The following NOS1 variants were observed in gnomAD, a reference collection of about 807,000 sequenced individuals.
NOS1 encodes the protein nitric oxide synthase 1, also known as NOS type I.
A neutral mutation model predicts 164.5 loss-of-function variants in NOS1; 51 were observed. The ratio of observed to expected loss-of-function variants is 0.31; its 90% CI spans 0.25 to 0.39. The LOEUF (loss-of-function observed/expected upper bound fraction) is 0.39, where lower values mean the gene tolerates loss of function less well. Among genes scored for constraint, NOS1 ranks in the 10% least tolerant of loss-of-function variants. NOS1 has a pLI of 1.00. For missense variants in NOS1, 1,362 were observed against 1,885.6 expected, an observed-to-expected ratio of 0.72 and a Z score of 5.14; for synonymous variants, 719 against 745.8, an observed-to-expected ratio of 0.96 and a Z score of 0.59.
In NOS1 at chr12:117,330,591, T is replaced by C. The variant is rs1425032246; in HGVS notation, c.479A>G (p.Gln160Arg). The C allele has an allele frequency of 6.2e-7, 1 of 1,612,610 alleles. No homozygotes were observed. The highest frequency in any genetic ancestry group is 2.2e-5 in the East Asian group (1 of 44,840). The change falls in exon 2 of 29, where the codon CAG becomes CGG. Residue 160 changes from glutamine to arginine, a missense_variant. By Grantham distance (43) the Gln-to-Arg change is conservative. Transcript: ENST00000317775. The surrounding 1 kb of genome is among the most constrained non-coding windows in gnomAD (Gnocchi z 4.6). ...CTCCTGCCCATCATCGTAGGCATGC[T>C]GAGGCCCATTCCCGGGACCCGAGGC... ...DGASGPGNGP[Q>R]HAYDDGQEAG...
At chr12:117,261,178 C>CA (rs534260940) in intron 13 of NOS1, among the ~76,000 whole-genome samples, 3,113 of 77,078 alleles carry the variant, frequency 0.04, 248 homozygotes, top group African/African-American at 0.057. Flanking sequence ...GACTCTGCCT[C>CA]AAAAAAAAAA....
chr12:117,313,015 T>G (rs1169770917), intron 2 of NOS1, among the ~76,000 whole-genome samples: 1 of 152,082 alleles, frequency 6.6e-6, no homozygotes, highest in Non-Finnish European at 1.5e-5. Context: ...ATAATCACCA[T>G]CACCATCATC....
In NOS1 at chr12:117,226,695, C is replaced by G. The variant is rs1250393156; in HGVS notation, c.3692G>C (p.Cys1231Ser). 16 of 1,613,968 alleles carry G rather than the reference C, an allele frequency of 9.9e-6. No individual in the cohort carries two copies. Among genetic ancestry groups the G allele is most frequent in the Non-Finnish European group, 1.4e-5 (16 of 1,179,898 alleles). ...NRIQADELVP[C>S]FVRGAPSFHL... ...ACTTATTACTCACCCTCTCACGAAA[C>G]AGGGGACCAGTTCGTCAGCCTGTAT... is the stretch of plus-strand genomic sequence containing the variant. Residue 1231 changes from cysteine to serine, a missense_variant, in exon 24 of 29, where the codon TGT becomes TCT. Transcript: ENST00000317775.
chr12:117,218,758 C>T lies in NOS1; in HGVS notation c.4171-594G>A, dbSNP rs747003899. Reference sequence around the variant, plus strand: ...GAGTCTCAAGAAACAGCCCAAACGACGACTGACTTGTGACATCTGAGAATT... The same window carrying T: ...GAGTCTCAAGAAACAGCCCAAACGATGACTGACTTGTGACATCTGAGAATT... On this transcript the variant is annotated intron_variant, in intron 27 of 28. Coordinates refer to ENST00000317775, the MANE Select transcript of NOS1 (RefSeq NM_000620.5). 7.2e-5 allele frequency among the ~76,000 whole-genome samples: 11 copies of T among 152,206 alleles called. No homozygotes were observed. The Middle Eastern group carries it at 0.01, about 141-fold the overall frequency.
Position 117,238,894 on chromosome 12 carries a change from A to T in NOS1, c.3041+3733T>A, listed in dbSNP as rs141981589. Among the ~76,000 whole-genome samples, 333 of 152,346 alleles carry T rather than the reference A, an allele frequency of 2.2e-3. 1 individual carries two copies. The highest frequency in any genetic ancestry group is 7.4e-3 in the African/African-American group (308 of 41,582). ...AATAAAGGAAAGAAAAAAAGGAAAA[A>T]TTCTTCCGTCTGCTCTTCGGAAAAT... is the stretch of plus-strand genomic sequence containing the variant. On this transcript the variant is annotated intron_variant, in intron 20 of 28. Transcript: ENST00000317775.
Position 117,265,426 on chromosome 12 carries a change from C to G in NOS1, c.2026G>C (p.Gly676Arg). ...HMENEYRCRG[G>R]CPADWVWIVP... The stretch of plus-strand genomic sequence containing the variant: ...ATCCACACCCAGTCGGCAGGGCAGC[C>G]CCCCCGGCAGCGGTACTCATTCTCC... The change falls in exon 12 of 29, where the codon GGC becomes CGC. Residue 676 changes from glycine (G) to arginine (R), a missense_variant. Physicochemically the swap from Gly to Arg is moderately radical, Grantham distance 125 (BLOSUM62 -2). This residue lies in a region of NOS1 where 737 missense variants were observed against 1,030.3 expected (regional missense o/e 0.72). Coordinates refer to ENST00000317775, the MANE Select transcript of NOS1 (RefSeq NM_000620.5). 1 of 1,591,902 alleles carries G rather than the reference C, an allele frequency of 6.3e-7. No homozygotes were observed. The highest frequency in any genetic ancestry group is 8.5e-7 in the Non-Finnish European group (1 of 1,169,746).
intron 1 of NOS1, among the ~76,000 whole-genome samples, chr12:117,348,586 T>C (rs567405101): frequency 2.6e-5 from 4 of 152,352 alleles, no homozygotes; most frequent in East Asian, 3.9e-4. Flanking sequence ...TTAGATACTA[T>C]AGCCTCATCC....
rs747701883 is a variant in NOS1, at chr12:117,330,431, C to T, written c.639G>A (p.Leu213=). ...NELLKEIEPV[L]SLLTSGSRGV... Reference sequence around the variant, plus strand: ...CTCTGCTCCCACTGGTGAGAAGGCTCAGCACAGGCTCTATCTCCTTGAGCA... The same window carrying T: ...CTCTGCTCCCACTGGTGAGAAGGCTTAGCACAGGCTCTATCTCCTTGAGCA... The change falls in exon 2 of 29, where the codon CTG becomes CTA. Residue 213 remains leucine, a synonymous_variant. Coordinates refer to ENST00000317775, the MANE Select transcript of NOS1 (RefSeq NM_000620.5). This position sits in a 1 kb window ranked among gnomAD's most constrained non-coding sequence, Gnocchi z 4.6. 65 of 1,614,108 alleles carry T rather than the reference C, an allele frequency of 4.0e-5. No homozygotes were observed. Among genetic ancestry groups the T allele is most frequent in the Non-Finnish European group, 5.2e-5 (61 of 1,180,050 alleles).
intron 27 of NOS1, among the ~76,000 whole-genome samples, chr12:117,219,370 G>C (rs955956255): frequency 6.6e-6 from 1 of 151,536 alleles, no homozygotes; most frequent in Non-Finnish European, 1.5e-5. Flanking sequence ...GCAATGACAC[G>C]ATCTTGGCTC....
At chr12:117,235,266 T>C (rs759590593) in intron 20 of NOS1, among the ~76,000 whole-genome samples, 2 of 152,132 alleles carry the variant, frequency 1.3e-5, no homozygotes, top group Non-Finnish European at 2.9e-5. Context: ...AACTCCTCAC[T>C]GCAAATCCAG....
At chr12:117,237,927 T>C (rs1480619364) in intron 20 of NOS1, among the ~76,000 whole-genome samples, 1 of 152,096 alleles carries the variant, frequency 6.6e-6, no homozygotes, top group African/African-American at 2.4e-5. Flanking sequence ...GAGCAGGCTA[T>C]GTCAGACAGG....
intron 20 of NOS1, among the ~76,000 whole-genome samples, chr12:117,240,140 T>C (rs1870053269): frequency 6.6e-6 from 1 of 152,226 alleles, no homozygotes; most frequent in Non-Finnish European, 1.5e-5. Context: ...CATACAATGC[T>C]ACTTAAATCA....
intron 11 of NOS1, among the ~76,000 whole-genome samples, chr12:117,267,322 C>G (rs1253936604): frequency 6.6e-6 from 1 of 152,200 alleles, no homozygotes; most frequent in Non-Finnish European, 1.5e-5. Context: ...AGGCGTGATT[C>G]ACGCCTGTAA....
chr12:117,263,862 C>T, intron 13 of NOS1, 27 bp downstream of exon 13: 3 of 1,585,036 alleles, frequency 1.9e-6, no homozygotes, highest in Non-Finnish European at 2.6e-6. Context: ...GGACATCCAC[C>T]CCACCCGCCC....
intron 22 of NOS1, among the ~76,000 whole-genome samples, chr12:117,229,295 G>A (rs540154491): frequency 6.6e-6 from 1 of 152,276 alleles, no homozygotes; most frequent in South Asian, 2.1e-4. Context: ...AAGCACAGGA[G>A]TCTCCAGGGC....
At chr12:117,227,350 C>A (rs965213545) in intron 23 of NOS1, 81 bp downstream of exon 23, 1 of 1,315,952 alleles carries the variant, frequency 7.6e-7, no homozygotes, top group Non-Finnish European at 1.1e-6. Flanking sequence ...ATTTAGCCTG[C>A]AGACGGTGGT....
intron 17 of NOS1, among the ~76,000 whole-genome samples, chr12:117,249,585 G>T (rs1278085156): frequency 6.6e-6 from 1 of 152,112 alleles, no homozygotes. Context: ...CATCAAACAG[G>T]TTCTTCTAAA....
rs559497343 is a variant in NOS1 at position 117,242,252 on chromosome 12, T to C, written c.3041+375A>G. 7.9e-5 allele frequency among the ~76,000 whole-genome samples: 12 copies of C among 152,330 alleles called. No homozygotes were observed. The South Asian group carries it at 2.5e-3, about 32-fold the overall frequency. On this transcript the variant is annotated intron_variant, in intron 20 of 28. Transcript: ENST00000317775. ...ATTTAAGCAGAGTGTGGGTAGCCAC[T>C]TTTTAGCACTCCATTAAAAAAATTA...
intron 5 of NOS1, among the ~76,000 whole-genome samples, chr12:117,286,605 T>C (rs749143733): frequency 6.6e-6 from 1 of 152,118 alleles, no homozygotes; most frequent in Non-Finnish European, 1.5e-5. Context: ...CCAGAGAAAC[T>C]GGAAATCTGA....
Sources: gnomAD v4.1 joint callset for allele counts (sites outside exome capture counted in the v4.1 genomes callset) on GRCh38, gnomAD v4.1.1 for gene constraint, gnomAD v4.1.1 regional missense constraint, Gnocchi (gnomAD v3.1) non-coding constraint, MANE v1.5 for transcripts, NCBI Gene and HGNC (gene_info 2026-07-23, HGNC 2026-07-21) for gene names.